The following RETREG1 variants were observed in gnomAD, a reference collection of about 807,000 sequenced individuals.
RETREG1 encodes the protein reticulophagy regulator 1.
In RETREG1, 44 loss-of-function variants were observed where a neutral mutation model predicts 54.8. The observed-to-expected ratio is 0.80, with a 90% CI of 0.63 to 1.03. The LOEUF (loss-of-function observed/expected upper bound fraction) is 1.03, where lower values mean the gene tolerates loss of function less well. Ranked by LOEUF, RETREG1 falls within the 50% of genes least tolerant of loss-of-function variation. The probability of loss-of-function intolerance (pLI) is 0.00; values close to 1 mark genes in which losing one functional copy is unlikely to be tolerated. For missense variants in RETREG1, 554 were observed against 605.1 expected (o/e 0.92, Z 0.89); for synonymous variants, 217 against 238.5 (o/e 0.91, Z 0.83).
At chr5:16,598,917 C>T (rs1003974093) in intron 1 of RETREG1, among the ~76,000 whole-genome samples, 16 of 152,314 alleles carry the variant, frequency 1.1e-4, no homozygotes, top group Admixed American at 2.0e-4. Flanking sequence ...GTGGCTCATG[C>T]TCACCATCCT....
chr5:16,526,271 A>G (rs1277407700), intron 3 of RETREG1, among the ~76,000 whole-genome samples: 1 of 152,232 alleles, frequency 6.6e-6, no homozygotes, highest in Non-Finnish European at 1.5e-5. Flanking sequence ...CACTGAGCAG[A>G]TAAGAAAATC....
chr5:16,515,653 G>A (rs1740328419), intron 3 of RETREG1, among the ~76,000 whole-genome samples: 1 of 152,104 alleles, frequency 6.6e-6, no homozygotes, highest in Non-Finnish European at 1.5e-5. Context: ...CTAGAATAAT[G>A]TCACCAAGTC....
chr5:16,526,685 ATATCT>A (rs1203179242), intron 3 of RETREG1, among the ~76,000 whole-genome samples: 1 of 152,220 alleles, frequency 6.6e-6, no homozygotes, highest in African/African-American at 2.4e-5. Context: ...ACATTTCTAC[ATATCT>A]TAATCCATTA....
In RETREG1 at chr5:16,488,496, T is replaced by C. The variant is rs997318357; in HGVS notation, c.459-5024A>G. 2.0e-5 allele frequency among the ~76,000 whole-genome samples: 3 copies of C among 151,660 alleles called. No individual in the cohort carries two copies. In the South Asian group the frequency reaches 6.3e-4, roughly 32 times the overall value. ...GTTTGCAGGACCCAGTGCCAGAGAG[T>C]AGAGCACAGTACAGAGGGAGATAAA... is the stretch of plus-strand genomic sequence containing the variant. On this transcript the variant is annotated intron_variant, in intron 3 of 8. Transcript: ENST00000306320.
chr5:16,548,264 G>A lies in RETREG1; in HGVS notation c.458+17499C>T, dbSNP rs562466710. On this transcript the variant is annotated intron_variant, in intron 3 of 8. Transcript: ENST00000306320. ...CCTTCTTGGCTTTGGACTTGGCCAT[G>A]TGACTTGCTTAGGCCTCCTGGTTAT... is the stretch of plus-strand genomic sequence containing the variant. 6.0e-4 allele frequency among the ~76,000 whole-genome samples: 92 copies of A among 152,268 alleles called. 1 individual carries two copies. The highest frequency in any genetic ancestry group is 2.1e-3 in the African/African-American group (88 of 41,552).
chr5:16,497,697 G>A (rs1200858724), intron 3 of RETREG1, among the ~76,000 whole-genome samples: 2 of 152,174 alleles, frequency 1.3e-5, no homozygotes, highest in Non-Finnish European at 2.9e-5. Flanking sequence ...CTCGGGATAG[G>A]CATGTAACAT....
At chr5:16,553,520 C>T (rs183598306) in intron 3 of RETREG1, among the ~76,000 whole-genome samples, 2 of 151,358 alleles carry the variant, frequency 1.3e-5, no homozygotes, top group South Asian at 2.1e-4. Flanking sequence ...AACATTTATA[C>T]CTTGTTTAAA....
rs1413421535 is a variant in RETREG1, at chr5:16,585,921, C to G, written c.321-13819G>C. 1.3e-5 allele frequency among the ~76,000 whole-genome samples: 2 copies of G among 152,056 alleles called. No individual in the cohort carries two copies. Among genetic ancestry groups the G allele is most frequent in the Non-Finnish European group, 2.9e-5 (2 of 68,034 alleles). On this transcript the variant is annotated intron_variant, in intron 1 of 8. Coordinates refer to ENST00000306320, the MANE Select transcript of RETREG1 (RefSeq NM_001034850.3). The surrounding 1 kb of genome is among the most constrained non-coding windows in gnomAD (Gnocchi z 4.5). ...AGCACCAAGCTATGAGAGATCCACC[C>G]CCATCACCCAAACACCTCCCACCAC... is the stretch of plus-strand genomic sequence containing the variant.
chr5:16,475,376 T>C, intron 8 of RETREG1, 142 bp from the exon 9 acceptor site: 1 of 853,612 alleles, frequency 1.2e-6, no homozygotes. Context: ...CTTGAATCAA[T>C]TTAACCACAT....
Position 16,548,425 on chromosome 5 carries a change from G to A in RETREG1, c.458+17338C>T, listed in dbSNP as rs567305666. Among the ~76,000 whole-genome samples the A allele has an allele frequency of 1.1e-4, 16 of 152,218 alleles. No individual in the cohort carries two copies. In the South Asian group the frequency reaches 1.2e-3, roughly 12 times the overall value. On this transcript the variant is annotated intron_variant, in intron 3 of 8. Coordinates refer to ENST00000306320, the MANE Select transcript of RETREG1 (RefSeq NM_001034850.3). The stretch of plus-strand genomic sequence containing the variant: ...GCTGAAAGACTGTGGAGTAAGCTTG[G>A]ATGCAACCCAAATCTTAAAGCCAAG...
chr5:16,583,401 G>A (rs1478145588), intron 1 of RETREG1, among the ~76,000 whole-genome samples: 1 of 152,132 alleles, frequency 6.6e-6, no homozygotes, highest in African/African-American at 2.4e-5. Flanking sequence ...GCAGAGGTGG[G>A]AGAATCGCCT....
intron 3 of RETREG1, among the ~76,000 whole-genome samples, chr5:16,500,441 G>C (rs547351731): frequency 5.5e-4 from 84 of 152,148 alleles, no homozygotes; most frequent in Non-Finnish European, 1.1e-3. Context: ...AACCTGAAGG[G>C]AAGAAGAAGA....
At chr5:16,542,435 C>T (rs1054884067) in intron 3 of RETREG1, among the ~76,000 whole-genome samples, 9 of 151,240 alleles carry the variant, frequency 6.0e-5, no homozygotes, top group Admixed American at 2.0e-4. Flanking sequence ...TGTCAATAGA[C>T]GATAGTCAAT....
intron 1 of RETREG1, among the ~76,000 whole-genome samples, chr5:16,608,058 T>G (rs975652255): frequency 6.6e-6 from 1 of 152,086 alleles, no homozygotes; most frequent in Admixed American, 6.5e-5. Context: ...TTTTGTATTT[T>G]TAATAGAGAT....
rs181915494 is a variant in RETREG1 at position 16,481,288 on chromosome 5, A to T, written c.586-195T>A. ...TGCTGCATTCAACCAGTCTTAGTCC[A>T]TTTCAACACTTGGTAATAATTATTT... On this transcript the variant is annotated intron_variant, in intron 4 of 8. Transcript: ENST00000306320. Among the ~76,000 whole-genome samples the T allele has an allele frequency of 6.2e-3, 940 of 152,188 alleles. 15 individuals carry two copies. The highest frequency in any genetic ancestry group is 0.022 in the African/African-American group (902 of 41,544).
At chr5:16,601,584 C>T (rs533467772) in intron 1 of RETREG1, among the ~76,000 whole-genome samples, 30 of 152,028 alleles carry the variant, frequency 2.0e-4, no homozygotes, top group Admixed American at 1.4e-3. Flanking sequence ...TTTGTAGAGG[C>T]AGGGTTTCAC....
At chr5:16,590,665 G>C (rs1742739353) in intron 1 of RETREG1, among the ~76,000 whole-genome samples, 1 of 152,062 alleles carries the variant, frequency 6.6e-6, no homozygotes, top group Admixed American at 6.5e-5. Context: ...GTGAAGTGAT[G>C]GCATTACCCA....
intron 3 of RETREG1, among the ~76,000 whole-genome samples, chr5:16,556,219 CGTGATCT>C (rs1173641709): frequency 1.3e-5 from 2 of 150,596 alleles, no homozygotes; most frequent in Non-Finnish European, 2.9e-5. Context: ...AGTGCAGTGG[CGTGATCT>C]TGGCTCACCA....
At chr5:16,475,285 A>G (rs1738489195) in intron 8 of RETREG1, 51 bp from the exon 9 acceptor site, 1 of 1,594,352 alleles carries the variant, frequency 6.3e-7, no homozygotes, top group Non-Finnish European at 8.5e-7. Flanking sequence ...ACAAATTTCA[A>G]ATAAAAGTGC....
Sources: allele counts gnomAD v4.1 joint callset (sites outside exome capture counted in the v4.1 genomes callset), GRCh38; gene constraint gnomAD v4.1.1; non-coding constraint Gnocchi (gnomAD v3.1); transcripts MANE v1.5; gene names NCBI Gene and HGNC (gene_info 2026-07-23, HGNC 2026-07-21).